Variants in CCNY observed in about 807,000 individuals in gnomAD.
CCNY encodes cyclin-Y.
In CCNY, 19 loss-of-function variants were observed where a neutral mutation model predicts 42.8. The ratio of observed to expected loss-of-function variants is 0.44; its 90% CI spans 0.31 to 0.65. CCNY has a LOEUF of 0.65. CCNY is among the 30% of genes least tolerant of loss of function. The pLI, the probability that CCNY is intolerant of heterozygous loss-of-function variation, is 0.07. For missense variants in CCNY, 370 were observed against 437.3 expected (o/e 0.85, Z 1.37); for synonymous variants, 165 against 162.7 (o/e 1.01, Z -0.11).
intron 1 of CCNY, among the ~76,000 whole-genome samples, chr10:35,377,291 A>C (rs930547402): frequency 1.3e-5 from 2 of 152,218 alleles, no homozygotes; most frequent in African/African-American, 4.8e-5. Context: ...CAGTCCTGCA[A>C]GCTCCATGCA....
At chr10:35,401,568 ATTT>A (rs540638740) in intron 1 of CCNY, among the ~76,000 whole-genome samples, 2 of 137,778 alleles carry the variant, frequency 1.5e-5, no homozygotes, top group South Asian at 2.3e-4. Flanking sequence ...CTCCCTCTGA[ATTT>A]TTTTTTTTTT....
At chr10:35,560,737 A>G (rs1205183132) in intron 8 of CCNY, among the ~76,000 whole-genome samples, 2 of 152,248 alleles carry the variant, frequency 1.3e-5, no homozygotes, top group South Asian at 2.1e-4. Context: ...AGAGGCTCCA[A>G]GTGATTTTGT....
chr10:35,328,152 C>A (rs984531256), intron 3 of CCNY, among the ~76,000 whole-genome samples: 4 of 152,136 alleles, frequency 2.6e-5, no homozygotes, highest in Non-Finnish European at 5.9e-5. Context: ...CAATTTTGGG[C>A]CCCCTAACGG....
At chr10:35,430,888 G>A (rs905174303) in intron 1 of CCNY, among the ~76,000 whole-genome samples, 26 of 152,018 alleles carry the variant, frequency 1.7e-4, no homozygotes, top group African/African-American at 6.3e-4. Flanking sequence ...ATCACGATCC[G>A]CGGGTGGATC....
intron 7 of CCNY, among the ~76,000 whole-genome samples, chr10:35,550,993 A>G (rs528957677): frequency 3.9e-5 from 6 of 152,240 alleles, no homozygotes; most frequent in African/African-American, 1.4e-4. Flanking sequence ...CCGCTGGGAC[A>G]TTTCAAGACA....
At chr10:35,374,987 A>G (rs1284673255) in intron 1 of CCNY, among the ~76,000 whole-genome samples, 1 of 152,194 alleles carries the variant, frequency 6.6e-6, no homozygotes, top group African/African-American at 2.4e-5. Flanking sequence ...TCAAGGGAAA[A>G]GAGTGTGGCC....
chr10:35,336,724 CGCCGCCCGCCATG>C lies in CCNY; in HGVS notation c.-324_-312del, dbSNP rs2135111844. On this transcript the variant is annotated 5_prime_UTR_variant, in exon 1 of 10. It removes an upstream start codon present in the reference 5' UTR. Coordinates refer to ENST00000374704, the MANE Select transcript of CCNY (RefSeq NM_145012.6). ...CGCGGGGGGGAGGCGGCCTGCGCGGCGCCGCCCGCCATGGCCGCGGCGGGGTGAGGTAGGCGCG... is the reference window on the plus strand; with the variant it reads ...CGCGGGGGGGAGGCGGCCTGCGCGGCGCCGCGGCGGGGTGAGGTAGGCGCG... 6.8e-6 allele frequency: 1 copy of C among 147,144 alleles called. No homozygotes were observed. The highest frequency in any genetic ancestry group is 6.8e-5 in the Admixed American group (1 of 14,814). The allele number at this position is 147,144 out of a possible 1,614,324, so 9.1% of individuals were successfully genotyped here. A position where few individuals can be genotyped will look rare whatever the true frequency, so the allele number is the denominator to read the frequency against.
chr10:35,551,877 G>A (rs766778378), intron 7 of CCNY, among the ~76,000 whole-genome samples: 4 of 152,200 alleles, frequency 2.6e-5, no homozygotes, highest in Non-Finnish European at 5.9e-5. Flanking sequence ...CAGAAAATAA[G>A]AAATGTTAGG....
chr10:35,375,714 C>T (rs1225334127), intron 1 of CCNY, among the ~76,000 whole-genome samples: 1 of 152,184 alleles, frequency 6.6e-6, no homozygotes, highest in East Asian at 1.9e-4. Context: ...CACAGAGGGT[C>T]TACCCTTGGG....
chr10:35,493,025 G>T (rs993051093), intron 2 of CCNY, among the ~76,000 whole-genome samples: 3 of 152,054 alleles, frequency 2.0e-5, no homozygotes, highest in African/African-American at 7.2e-5. Context: ...AGGTTTCTTG[G>T]CCAGGCCTCG....
intron 1 of CCNY, among the ~76,000 whole-genome samples, chr10:35,460,391 C>T (rs1839131686): frequency 6.6e-6 from 1 of 152,146 alleles, no homozygotes; most frequent in Admixed American, 6.5e-5. Flanking sequence ...TCATCTACAC[C>T]ATGGGTGTCC....
chr10:35,522,165 C>T (rs1213318178), intron 4 of CCNY, among the ~76,000 whole-genome samples: 1 of 151,956 alleles, frequency 6.6e-6, no homozygotes, highest in East Asian at 1.9e-4. Context: ...TGAGCACCGC[C>T]ACCTCTACAC....
intron 8 of CCNY, among the ~76,000 whole-genome samples, chr10:35,563,007 A>G (rs1357948260): frequency 6.6e-6 from 1 of 151,664 alleles, no homozygotes; most frequent in African/African-American, 2.4e-5. Flanking sequence ...TATATTTCTT[A>G]CAACGTTTTA....
At chr10:35,458,655 C>T (rs1164280992) in intron 1 of CCNY, among the ~76,000 whole-genome samples, 1 of 152,172 alleles carries the variant, frequency 6.6e-6, no homozygotes, top group East Asian at 1.9e-4. Context: ...AAAATAAGTA[C>T]TGTAATCTTA....
At chr10:35,497,467 G>T (rs1436794688) in intron 2 of CCNY, among the ~76,000 whole-genome samples, 2 of 152,208 alleles carry the variant, frequency 1.3e-5, no homozygotes, top group Non-Finnish European at 2.9e-5. Flanking sequence ...ACTGGGTGTG[G>T]TGGTTCACGC....
intron 1 of CCNY, among the ~76,000 whole-genome samples, chr10:35,479,857 T>C (rs1056227910): frequency 6.6e-6 from 1 of 152,214 alleles, no homozygotes; most frequent in Non-Finnish European, 1.5e-5. Context: ...GGATATCATT[T>C]TTCCTGACTC....
intron 1 of CCNY, among the ~76,000 whole-genome samples, chr10:35,349,122 G>A (rs184255886): frequency 1.2e-4 from 19 of 152,236 alleles, no homozygotes; most frequent in Admixed American, 1.0e-3. Flanking sequence ...GGACTTGAGC[G>A]TGCTTGGGTT....
intron 3 of CCNY, among the ~76,000 whole-genome samples, chr10:35,329,701 G>C (rs1797333366): frequency 1.3e-5 from 2 of 152,170 alleles, no homozygotes; most frequent in Admixed American, 1.3e-4. Flanking sequence ...GGTGCTCAGA[G>C]GGACGAGGTC....
intron 5 of CCNY, among the ~76,000 whole-genome samples, chr10:35,527,963 C>T (rs1840686073): frequency 6.6e-6 from 1 of 152,162 alleles, no homozygotes; most frequent in African/African-American, 2.4e-5. Flanking sequence ...ATCCCCTTTC[C>T]TGAGTCGTCT....
Sources: gnomAD v4.1 joint callset for allele counts (sites outside exome capture counted in the v4.1 genomes callset) on GRCh38, gnomAD v4.1.1 for gene constraint, MANE v1.5 for transcripts, NCBI Gene and HGNC (gene_info 2026-07-23, HGNC 2026-07-21) for gene names.